COL23A1: variants seen among roughly 807,000 people sequenced by gnomAD.
COL23A1 encodes collagen alpha-1(XXIII) chain.
COL23A1 carries 97 observed loss-of-function variants against 99.3 expected under a neutral mutation model. The observed-to-expected ratio is 0.98, with a 90% confidence interval of 0.83 to 1.16. The LOEUF is 1.16. Among genes scored for constraint, COL23A1 ranks in the 50% most tolerant of loss-of-function variants. The pLI is 0.00. For missense variants in COL23A1, 762 were observed against 757.4 expected (o/e 1.01, Z -0.07); for synonymous variants, 320 against 308.2 (o/e 1.04, Z -0.40).
In COL23A1 at chr5:178,489,288, A is replaced by G. The variant is rs1043188581; in HGVS notation, c.361+71394T>C. Among the ~76,000 whole-genome samples the G allele has an allele frequency of 2.0e-5, 3 of 152,194 alleles. No individual in the cohort carries two copies. In the East Asian group the frequency reaches 5.8e-4, roughly 29 times the overall value. On this transcript the variant is annotated intron_variant, in intron 2 of 28. Transcript: ENST00000390654. Reference sequence around the variant, plus strand: ...ACTTTTTCTCCTCCTGCCCTTGGACATCAGGCTTCAGGTCCTTCTGCCTTT... The same window carrying G: ...ACTTTTTCTCCTCCTGCCCTTGGACGTCAGGCTTCAGGTCCTTCTGCCTTT...
At chr5:178,563,860 G>A (rs977981503) in intron 1 of COL23A1, among the ~76,000 whole-genome samples, 7 of 152,144 alleles carry the variant, frequency 4.6e-5, no homozygotes, top group South Asian at 2.1e-4. Context: ...CATTGTATTC[G>A]CAGATATTAA....
At chr5:178,326,923 C>T (rs750449645) in intron 2 of COL23A1, among the ~76,000 whole-genome samples, 39 of 152,154 alleles carry the variant, frequency 2.6e-4, no homozygotes, top group East Asian at 1.7e-3. Context: ...TTTCACCATG[C>T]TGGTCAGGCT....
intron 2 of COL23A1, among the ~76,000 whole-genome samples, chr5:178,531,220 G>A (rs1052876214): frequency 1.3e-5 from 2 of 152,178 alleles, no homozygotes; most frequent in Admixed American, 6.5e-5. Context: ...CACAGCAGTA[G>A]GTAACGGGAA....
At chr5:178,480,566 C>G (rs1193390742) in intron 2 of COL23A1, among the ~76,000 whole-genome samples, 1 of 152,170 alleles carries the variant, frequency 6.6e-6, no homozygotes, top group Non-Finnish European at 1.5e-5. Flanking sequence ...GAAAATGACC[C>G]CAGATATTTT....
chr5:178,285,220 A>G (rs922120150), intron 5 of COL23A1, among the ~76,000 whole-genome samples: 6 of 152,134 alleles, frequency 3.9e-5, no homozygotes, highest in Admixed American at 3.9e-4. Context: ...ACCTGGTTTC[A>G]GCTGAGGCAG....
At chr5:178,457,358 T>A (rs1048850999) in intron 2 of COL23A1, among the ~76,000 whole-genome samples, 1 of 152,010 alleles carries the variant, frequency 6.6e-6, no homozygotes. Flanking sequence ...GGACTACAAG[T>A]GCCCGCCACC....
chr5:178,291,895 C>T (rs1343260308), intron 3 of COL23A1, among the ~76,000 whole-genome samples: 1 of 152,102 alleles, frequency 6.6e-6, no homozygotes, highest in East Asian at 1.9e-4. Flanking sequence ...GGGGACAGTG[C>T]TTTCCCCAAG....
chr5:178,450,720 C>T lies in COL23A1; in HGVS notation c.361+109962G>A, dbSNP rs773110693. 1.5e-4 allele frequency among the ~76,000 whole-genome samples: 23 copies of T among 152,162 alleles called. 1 individual carries two copies. The highest frequency in any genetic ancestry group is 1.2e-3 in the South Asian group (6 of 4,822). On this transcript the variant is annotated intron_variant, in intron 2 of 28. Transcript: ENST00000390654. Reference sequence around the variant, plus strand: ...CTTTTGTTGAATATCAAACTCGTGCCATGCAGTAGACTAGGTGCTCTCTCC... The same window carrying T: ...CTTTTGTTGAATATCAAACTCGTGCTATGCAGTAGACTAGGTGCTCTCTCC...
chr5:178,543,600 A>G (rs1469767933), intron 2 of COL23A1, among the ~76,000 whole-genome samples: 1 of 152,162 alleles, frequency 6.6e-6, no homozygotes, highest in Non-Finnish European at 1.5e-5. Flanking sequence ...AGGCGGCTGC[A>G]GGGTCTGAGT....
At chr5:178,438,025 C>T (rs993102255) in intron 2 of COL23A1, among the ~76,000 whole-genome samples, 1 of 152,354 alleles carries the variant, frequency 6.6e-6, no homozygotes, top group East Asian at 1.9e-4. Flanking sequence ...AAAATCTCAG[C>T]TAATGTGTCT....
chr5:178,483,658 T>G (rs1428044769), intron 2 of COL23A1, among the ~76,000 whole-genome samples: 1 of 152,264 alleles, frequency 6.6e-6, no homozygotes, highest in East Asian at 1.9e-4. Context: ...CTTCTATTCC[T>G]AGGCATGAAG....
rs528012914 is a variant in COL23A1, at chr5:178,458,142, G to A, written c.361+102540C>T. Among the ~76,000 whole-genome samples, 12 of 2,542 alleles carry A rather than the reference G, an allele frequency of 4.7e-3. No homozygotes were observed. The East Asian group carries it at 0.4, about 85-fold the overall frequency. 1.7% of individuals were successfully genotyped at this position (2,542 alleles called of 152,430 possible). On this transcript the variant is annotated intron_variant, in intron 2 of 28. Transcript: ENST00000390654. ...CGTCCAAAGATGAGAACCCTTGGGT[G>A]TCAGTAGAAATAACTGCGATTGACC... is the stretch of plus-strand genomic sequence containing the variant.
intron 2 of COL23A1, among the ~76,000 whole-genome samples, chr5:178,442,445 C>A (rs776706076): frequency 2.0e-5 from 3 of 152,122 alleles, no homozygotes; most frequent in African/African-American, 4.8e-5. Context: ...ACGTTTTACC[C>A]CTGAGCATGT....
At chr5:178,265,092 A>G (rs2913845) in intron 8 of COL23A1, among the ~76,000 whole-genome samples, 87,062 of 152,130 alleles carry the variant, frequency 0.57, 27,030 homozygotes, top group Non-Finnish European at 0.72. Flanking sequence ...GCCAAGGCAC[A>G]TGGTCCCTTT....
chr5:178,262,160 A>G, intron 10 of COL23A1, 57 bp downstream of exon 10: 8 of 1,539,892 alleles, frequency 5.2e-6, no homozygotes, highest in South Asian at 1.2e-5. Flanking sequence ...AGGGGCTTCC[A>G]GGTCTGGGAA....
chr5:178,482,898 T>C (rs1198014789), intron 2 of COL23A1, among the ~76,000 whole-genome samples: 1 of 150,868 alleles, frequency 6.6e-6, no homozygotes, highest in African/African-American at 2.4e-5. Flanking sequence ...AGAGACTCCA[T>C]CTCAAAAAAA....
At chr5:178,535,492 A>G (rs922716995) in intron 2 of COL23A1, among the ~76,000 whole-genome samples, 1 of 152,248 alleles carries the variant, frequency 6.6e-6, no homozygotes, top group Non-Finnish European at 1.5e-5. Context: ...ACCGCATGCC[A>G]GGCATCACTC....
intron 2 of COL23A1, among the ~76,000 whole-genome samples, chr5:178,484,631 G>A (rs913310925): frequency 4.6e-5 from 7 of 152,046 alleles, no homozygotes; most frequent in Admixed American, 3.9e-4. Context: ...AGACCATCCT[G>A]GCTAACACGG....
chr5:178,257,406 C>G (rs1765366269), intron 13 of COL23A1, 117 bp downstream of exon 13: 1 of 1,235,052 alleles, frequency 8.1e-7, no homozygotes, highest in Admixed American at 2.0e-5. Flanking sequence ...CCGGCCTGCG[C>G]TGGGCACTGG....
Sources: gnomAD v4.1 joint callset for allele counts (sites outside exome capture counted in the v4.1 genomes callset) on GRCh38, gnomAD v4.1.1 for gene constraint, MANE v1.5 for transcripts, NCBI Gene and HGNC (gene_info 2026-07-23, HGNC 2026-07-21) for gene names.